The following MALRD1 variants were observed in gnomAD, a reference collection of about 807,000 sequenced individuals.
The protein encoded by MALRD1 is MAM and LDL receptor class A domain containing 1.
Under a neutral mutation model 242.1 loss-of-function variants are expected in MALRD1, and 247 were observed. That is an observed-to-expected ratio of 1.02 (90% confidence interval 0.92 to 1.13). The LOEUF is 1.13. Among genes scored for constraint, MALRD1 ranks in the 50% most tolerant of loss-of-function variants. The pLI is 0.00. For missense variants in MALRD1, 2,989 were observed against 2,533.1 expected (o/e 1.18, Z -3.86); for synonymous variants, 995 against 866.6 (o/e 1.15, Z -2.60).
Position 19,204,894 on chromosome 10 carries a change from T to C in MALRD1, c.2211-4T>C. On this transcript the variant is annotated splice_polypyrimidine_tract_variant and splice_region_variant and intron_variant, in intron 16 of 39. Transcript: ENST00000454679. ...TTCCATTTCTTACGTTTACTCTTTTTTAGGTTCTATAACTATGGCCTGTCA... is the reference window on the plus strand; with the variant it reads ...TTCCATTTCTTACGTTTACTCTTTTCTAGGTTCTATAACTATGGCCTGTCA... 6.5e-7 allele frequency: 1 copy of C among 1,534,470 alleles called. No homozygotes were observed. The highest frequency in any genetic ancestry group is 1.4e-5 in the African/African-American group (1 of 72,476).
At chr10:19,141,565 A>C (rs1020684126) in intron 10 of MALRD1, among the ~76,000 whole-genome samples, 7 of 152,084 alleles carry the variant, frequency 4.6e-5, no homozygotes, top group African/African-American at 1.7e-4. Flanking sequence ...AATAAAATAC[A>C]CATTTGTATT....
chr10:19,106,260 T>C (rs1836459365), intron 5 of MALRD1, among the ~76,000 whole-genome samples: 1 of 151,864 alleles, frequency 6.6e-6, no homozygotes, highest in Non-Finnish European at 1.5e-5. Flanking sequence ...TTGTTAGTTA[T>C]TTATTAAATG....
At chr10:19,593,080 A>T (rs1837902695) in intron 33 of MALRD1, among the ~76,000 whole-genome samples, 1 of 152,088 alleles carries the variant, frequency 6.6e-6, no homozygotes, top group South Asian at 2.1e-4. Flanking sequence ...GAAACTATTT[A>T]TTTGACCATG....
intron 24 of MALRD1, among the ~76,000 whole-genome samples, chr10:19,336,988 C>G (rs1843641926): frequency 6.6e-6 from 1 of 152,014 alleles, no homozygotes; most frequent in East Asian, 1.9e-4. Flanking sequence ...AAAAAATATC[C>G]TGTTCTTCTT....
chr10:19,176,269 G>T (rs1436443111), intron 14 of MALRD1, among the ~76,000 whole-genome samples: 1 of 151,666 alleles, frequency 6.6e-6, no homozygotes, highest in East Asian at 1.9e-4. Context: ...GAAAAATTTG[G>T]GTCACATGAT....
chr10:19,197,637 C>A (rs916295908), intron 14 of MALRD1, among the ~76,000 whole-genome samples: 7 of 152,130 alleles, frequency 4.6e-5, no homozygotes, highest in Non-Finnish European at 8.8e-5. Flanking sequence ...TGCTTCCTCA[C>A]CTACCTCCTT....
At chr10:19,228,449 G>C (rs1041383207) in intron 18 of MALRD1, among the ~76,000 whole-genome samples, 1 of 152,170 alleles carries the variant, frequency 6.6e-6, no homozygotes, top group Non-Finnish European at 1.5e-5. Context: ...CAGATTTTCT[G>C]TATCTTGATC....
At chr10:19,159,982 C>T (rs1834326968) in intron 12 of MALRD1, among the ~76,000 whole-genome samples, 1 of 151,944 alleles carries the variant, frequency 6.6e-6, no homozygotes, top group African/African-American at 2.4e-5. Context: ...CTTCAATATT[C>T]AAAAAGAACT....
At chr10:19,578,044 T>C (rs143546745) in intron 33 of MALRD1, among the ~76,000 whole-genome samples, 1 of 152,196 alleles carries the variant, frequency 6.6e-6, no homozygotes, top group Non-Finnish European at 1.5e-5. Context: ...ATATGTTGTT[T>C]GCTGGAAAGC....
intron 12 of MALRD1, among the ~76,000 whole-genome samples, chr10:19,162,030 GAAC>G (rs200339497): frequency 4.8e-5 from 7 of 146,662 alleles, no homozygotes; most frequent in African/African-American, 1.3e-4. Flanking sequence ...TCTGTCTCAA[GAAC>G]AACAACAACA....
At chr10:19,513,036 T>C (rs1361265333) in intron 31 of MALRD1, among the ~76,000 whole-genome samples, 1 of 152,202 alleles carries the variant, frequency 6.6e-6, no homozygotes, top group Non-Finnish European at 1.5e-5. Context: ...TAGGTTGTCA[T>C]AGATAATTTG....
chr10:19,514,934 A>T (rs777538096), intron 31 of MALRD1, among the ~76,000 whole-genome samples: 15 of 152,254 alleles, frequency 9.9e-5, no homozygotes, highest in Admixed American at 3.3e-4. Flanking sequence ...GGAAGACTTA[A>T]AAATAATTCC....
intron 31 of MALRD1, among the ~76,000 whole-genome samples, chr10:19,500,755 G>A (rs1050738120): frequency 1.3e-5 from 2 of 152,150 alleles, no homozygotes; most frequent in Non-Finnish European, 2.9e-5. Context: ...TGTCAGCATT[G>A]CTTTTAGCAG....
intron 5 of MALRD1, among the ~76,000 whole-genome samples, chr10:19,116,751 C>T (rs186993808): frequency 7.2e-5 from 11 of 152,024 alleles, no homozygotes; most frequent in African/African-American, 2.7e-4. Flanking sequence ...TTTGAAAACC[C>T]CTAAAATAAT....
At chr10:19,649,208 GT>G (rs1840767113) in intron 36 of MALRD1, among the ~76,000 whole-genome samples, 1 of 152,116 alleles carries the variant, frequency 6.6e-6, no homozygotes, top group Non-Finnish European at 1.5e-5. Context: ...TCATGTTTAT[GT>G]GTCTTTATGG....
chr10:19,358,589 A>G (rs1338067533), intron 26 of MALRD1, among the ~76,000 whole-genome samples: 1 of 152,210 alleles, frequency 6.6e-6, no homozygotes, highest in East Asian at 1.9e-4. Flanking sequence ...TAACTGTGTG[A>G]TGTCAGCTAA....
chr10:19,187,236 G>A (rs553336308), intron 14 of MALRD1, among the ~76,000 whole-genome samples: 11 of 152,120 alleles, frequency 7.2e-5, no homozygotes, highest in Non-Finnish European at 1.6e-4. Context: ...GCTGGGGACA[G>A]ACTGACCCTT....
At chr10:19,470,843 T>C (rs1836454668) in intron 29 of MALRD1, among the ~76,000 whole-genome samples, 1 of 151,944 alleles carries the variant, frequency 6.6e-6, no homozygotes, top group Non-Finnish European at 1.5e-5. Context: ...ATCAGATATA[T>C]GATTCACAAA....
intron 11 of MALRD1, among the ~76,000 whole-genome samples, chr10:19,154,562 A>G (rs1834064206): frequency 6.6e-6 from 1 of 152,218 alleles, no homozygotes; most frequent in Admixed American, 6.5e-5. Flanking sequence ...GTCGTAGTTA[A>G]AATCTAAAAG....
Sources: allele counts gnomAD v4.1 joint callset (sites outside exome capture counted in the v4.1 genomes callset), GRCh38; gene constraint gnomAD v4.1.1; transcripts MANE v1.5; gene names NCBI Gene and HGNC (gene_info 2026-07-23, HGNC 2026-07-21).